The following SAMD5 variants were observed in gnomAD, a reference collection of about 807,000 sequenced individuals.
SAMD5 encodes sterile alpha motif domain containing 5, also known as sterile alpha motif domain-containing protein 5.
Under a neutral mutation model 11.3 loss-of-function variants are expected in SAMD5, and 13 were observed. The observed-to-expected ratio is 1.15, with a 90% CI of 0.75 to 1.83. The LOEUF is 1.83. Among genes scored for constraint, SAMD5 ranks in the 40% most tolerant of loss-of-function variants. The pLI is 0.00. For missense variants in SAMD5, 255 were observed against 239.1 expected (o/e 1.07, Z -0.44); for synonymous variants, 129 against 111.3 (o/e 1.16, Z -1.00).
chr6:147,541,170 G>A (rs1254117245), intron 1 of SAMD5, among the ~76,000 whole-genome samples: 1 of 151,878 alleles, frequency 6.6e-6, no homozygotes, highest in Non-Finnish European at 1.5e-5. Flanking sequence ...GGCTGGTTTC[G>A]AACTACTGAC....
At chr6:147,712,980 T>A (rs1791420638) in intron 1 of SAMD5, among the ~76,000 whole-genome samples, 1 of 152,118 alleles carries the variant, frequency 6.6e-6, no homozygotes, top group African/African-American at 2.4e-5. Flanking sequence ...TGCAAAGCAT[T>A]TTTTTCTCAA....
At chr6:147,896,755 A>AAAACAAAAACAAACAAAC in the SAMD5 span, among the ~76,000 whole-genome samples, 1 of 142,424 alleles carries the variant, frequency 7.0e-6, no homozygotes, top group African/African-American at 2.8e-5. Flanking sequence ...AAAAAAAAAA[A>AAAACAAAAACAAACAAAC]AAAAAAAACG....
chr6:147,898,246 C>G, the SAMD5 span, among the ~76,000 whole-genome samples: 5 of 152,104 alleles, frequency 3.3e-5, no homozygotes, highest in African/African-American at 4.8e-5. Context: ...ACTCATTTCT[C>G]CCAGCCAATG....
At chr6:147,705,224 A>G (rs1197649465) in intron 1 of SAMD5, among the ~76,000 whole-genome samples, 3 of 152,134 alleles carry the variant, frequency 2.0e-5, no homozygotes, top group Non-Finnish European at 4.4e-5. Context: ...GAAAGTTAAT[A>G]TTATATGTAT....
the SAMD5 span, among the ~76,000 whole-genome samples, chr6:147,863,777 T>C: frequency 6.6e-6 from 1 of 151,960 alleles, no homozygotes; most frequent in Non-Finnish European, 1.5e-5. Context: ...AACACTTGCC[T>C]TTGGAAGGTG....
intron 1 of SAMD5, among the ~76,000 whole-genome samples, chr6:147,708,183 G>A (rs924579839): frequency 3.3e-5 from 5 of 152,212 alleles, no homozygotes; most frequent in South Asian, 2.1e-4. Flanking sequence ...GGTCAGCCAG[G>A]TGGGCCCTAA....
chr6:147,521,219 T>C (rs1788248608), intron 1 of SAMD5, among the ~76,000 whole-genome samples: 1 of 152,148 alleles, frequency 6.6e-6, no homozygotes, highest in Admixed American at 6.5e-5. Context: ...TACCAGTTCA[T>C]ATAGTTTTAT....
chr6:147,692,842 T>G (rs1791122979), intron 1 of SAMD5, among the ~76,000 whole-genome samples: 3 of 152,102 alleles, frequency 2.0e-5, no homozygotes, highest in Admixed American at 2.0e-4. Flanking sequence ...AAAGTACAAC[T>G]CAAAAAATAA....
In SAMD5 at chr6:147,564,921, C is replaced by T. The variant is rs1201997379; in HGVS notation, c.*465C>T. 1 of 836,160 alleles carries T rather than the reference C, an allele frequency of 1.2e-6. No individual in the cohort carries two copies. The highest frequency in any genetic ancestry group is 1.4e-6 in the Non-Finnish European group (1 of 694,858). 51.8% of individuals were successfully genotyped at this position (836,160 alleles called of 1,614,324 possible). On this transcript the variant is annotated 3_prime_UTR_variant, in exon 2 of 2. Coordinates refer to ENST00000367474, the MANE Select transcript of SAMD5 (RefSeq NM_001030060.3). ...TAATTTTTATATTCAAGCATACATT[C>T]TACTTCATTTCATATAGGACCATGT... is the stretch of plus-strand genomic sequence containing the variant.
chr6:147,839,539 C>T, the SAMD5 span, among the ~76,000 whole-genome samples: 2 of 152,156 alleles, frequency 1.3e-5, no homozygotes, highest in African/African-American at 4.8e-5. Flanking sequence ...GACATGAAGT[C>T]GGGAGTTCGA....
downstream of SAMD5, among the ~76,000 whole-genome samples, chr6:147,740,783 T>C (rs1410497619): frequency 6.6e-6 from 1 of 152,232 alleles, no homozygotes; most frequent in East Asian, 1.9e-4. Flanking sequence ...CAAGATCAAA[T>C]GAATTGCATA....
the SAMD5 span, among the ~76,000 whole-genome samples, chr6:147,876,268 GC>G: frequency 1.3e-5 from 2 of 152,220 alleles, no homozygotes; most frequent in African/African-American, 4.8e-5. Flanking sequence ...AACTGGGAAG[GC>G]CCTGAGCTCT....
intron 1 of SAMD5, among the ~76,000 whole-genome samples, chr6:147,717,933 C>G (rs778340574): frequency 6.6e-6 from 1 of 152,076 alleles, no homozygotes; most frequent in Non-Finnish European, 1.5e-5. Context: ...ACATTGTTTC[C>G]TTTTTGTAGA....
At chr6:147,758,435 A>G in the SAMD5 span, among the ~76,000 whole-genome samples, 26 of 152,380 alleles carry the variant, frequency 1.7e-4, no homozygotes, top group African/African-American at 6.0e-4. Flanking sequence ...AAGCAACTTC[A>G]TAAAGAAATG....
chr6:147,839,177 T>A, the SAMD5 span, among the ~76,000 whole-genome samples: 2,093 of 152,298 alleles, frequency 0.014, 45 homozygotes, highest in African/African-American at 0.048. Flanking sequence ...TTCTCACATG[T>A]GTGCCCCTCA....
chr6:147,922,155 G>A, the SAMD5 span, among the ~76,000 whole-genome samples: 5 of 152,066 alleles, frequency 3.3e-5, no homozygotes, highest in African/African-American at 7.2e-5. Flanking sequence ...CCCAGGGCCC[G>A]TGTGTGTCTC....
chr6:147,662,688 G>T (rs1210913615), intron 1 of SAMD5, among the ~76,000 whole-genome samples: 1 of 152,058 alleles, frequency 6.6e-6, no homozygotes, highest in Non-Finnish European at 1.5e-5. Flanking sequence ...AAAAGCCTTG[G>T]GGTAAATATC....
At chr6:147,770,383 T>C in the SAMD5 span, among the ~76,000 whole-genome samples, 3 of 152,248 alleles carry the variant, frequency 2.0e-5, no homozygotes, top group Admixed American at 2.0e-4. Flanking sequence ...GGACGATTTC[T>C]GCCTAAATCC....
the SAMD5 span, among the ~76,000 whole-genome samples, chr6:147,817,723 G>C: frequency 6.6e-6 from 1 of 152,148 alleles, no homozygotes; most frequent in African/African-American, 2.4e-5. Context: ...GAACTGCATG[G>C]GTGGCAGCAT....
Sources: allele counts gnomAD v4.1 joint callset (sites outside exome capture counted in the v4.1 genomes callset), GRCh38; gene constraint gnomAD v4.1.1; transcripts MANE v1.5; gene names NCBI Gene and HGNC (gene_info 2026-07-23, HGNC 2026-07-21).